Variants in LAIR1 observed in about 807,000 individuals in gnomAD.
The protein encoded by LAIR1 is leukocyte associated immunoglobulin like receptor 1, also known as leukocyte-associated immunoglobulin-like receptor 1.
Under a neutral mutation model 32.8 loss-of-function variants are expected in LAIR1, and 24 were observed. The observed-to-expected ratio is 0.73, with a 90% CI of 0.53 to 1.03. The LOEUF (loss-of-function observed/expected upper bound fraction) is 1.03. Among genes scored for constraint, LAIR1 ranks in the 50% least tolerant of loss-of-function variants. The pLI is 0.00. For synonymous variants in LAIR1, 150 were observed against 140.5 expected, an observed-to-expected ratio of 1.07 and a Z score of -0.48; for missense variants, 355 against 347.5, an observed-to-expected ratio of 1.02 and a Z score of -0.17.
chr19:54,362,886 A>T (rs550863515), intron 2 of LAIR1, among the ~76,000 whole-genome samples: 1 of 152,242 alleles, frequency 6.6e-6, no homozygotes, highest in African/African-American at 2.4e-5. Context: ...AAGCGAAAGA[A>T]CCTGGAGGAA....
chr19:54,356,130 G>A (rs911729670), intron 8 of LAIR1, 100 bp downstream of exon 8: 3 of 1,364,218 alleles, frequency 2.2e-6, no homozygotes, highest in Admixed American at 1.7e-5. Flanking sequence ...CTTCTAGAAT[G>A]TTCCCAAAGA....
Position 54,364,781 on chromosome 19 carries a change from G to A in LAIR1, c.24C>T (p.Leu8=), listed in dbSNP as rs1362199669. ...GCCTCCAGGACTCACCTAGGCCCAGGAGGGCGGTGGGGTGGGGAGACATGG... is the reference window on the plus strand; with the variant it reads ...GCCTCCAGGACTCACCTAGGCCCAGAAGGGCGGTGGGGTGGGGAGACATGG... The part of the protein sequence containing the change: MSPHPTA[L]LGLVLCLAQT... Residue 8 remains leucine (L), a synonymous_variant, in exon 1 of 10, where the codon CTC becomes CTT. Transcript: ENST00000391742. The surrounding 1 kb of genome is among the most constrained non-coding windows in gnomAD (Gnocchi z 4.8). The A allele has an allele frequency of 1.9e-6, 3 of 1,613,996 alleles. No homozygotes were observed. The highest frequency in any genetic ancestry group is 1.7e-6 in the Non-Finnish European group (2 of 1,179,892).
Position 54,355,821 on chromosome 19 carries a change from C to A in LAIR1, c.717+133G>T. 1 of 686,476 alleles carries A rather than the reference C, an allele frequency of 1.5e-6. No homozygotes were observed. The highest frequency in any genetic ancestry group is 2.6e-6 in the Non-Finnish European group (1 of 382,652). 42.5% of individuals were successfully genotyped at this position (686,476 alleles called of 1,614,324 possible). On this transcript the variant is annotated intron_variant, in intron 9 of 9. Transcript: ENST00000391742. The surrounding 1 kb of genome is among the most constrained non-coding windows in gnomAD (Gnocchi z 4.7). ...ATGCACACAGCCCTGGGCGACCTCTCGACAGCAACCTCAGGACAGGCCGTG... is the reference window on the plus strand; with the variant it reads ...ATGCACACAGCCCTGGGCGACCTCTAGACAGCAACCTCAGGACAGGCCGTG...
chr19:54,361,887 C>T (rs1167563415), intron 2 of LAIR1, among the ~76,000 whole-genome samples: 2 of 152,050 alleles, frequency 1.3e-5, no homozygotes, highest in African/African-American at 4.8e-5. Context: ...CTTGAAAAAC[C>T]CCATTTATCT....
At chr19:54,373,431 G>A (rs556704641), upstream of LAIR1, among the ~76,000 whole-genome samples, 35 of 151,998 alleles carry the variant, frequency 2.3e-4, no homozygotes, top group Admixed American at 3.9e-4. Context: ...GTGACAGAGC[G>A]AGACTCCGTC....
At chr19:54,372,205 C>T (rs2082421737), upstream of LAIR1, among the ~76,000 whole-genome samples, 1 of 151,662 alleles carries the variant, frequency 6.6e-6, no homozygotes, top group African/African-American at 2.4e-5. Context: ...AATTGCCGCA[C>T]TGTCTCCCAA....
Position 54,361,152 on chromosome 19 carries a change from C to A in LAIR1, c.128G>T (p.Ser43Ile). ...AEPGTVIPLG[S>I]HVTFVCRGPV... ...GCCCCGGCACACGAAAGTCACATGG[C>A]TCCCCAGGGGGATCACGGTGCCTGG... Residue 43 changes from serine to isoleucine, a missense_variant, in exon 3 of 10, where the codon AGC (serine) becomes ATC (isoleucine). Physicochemically the swap from Ser to Ile is moderately radical, Grantham distance 142 (BLOSUM62 -2). Coordinates refer to ENST00000391742, the MANE Select transcript of LAIR1 (RefSeq NM_002287.6). 1 of 1,614,196 alleles carries A rather than the reference C, an allele frequency of 6.2e-7. No individual in the cohort carries two copies. The highest frequency in any genetic ancestry group is 8.5e-7 in the Non-Finnish European group (1 of 1,180,032).
chr19:54,360,634 T>TC (rs1189570066), intron 3 of LAIR1: 2 of 502,342 alleles, frequency 4.0e-6, no homozygotes, highest in Non-Finnish European at 7.1e-6. Flanking sequence ...GGGAACCCAC[T>TC]CCCCACCCAG....
At chr19:54,357,228 T>C in intron 4 of LAIR1, 1 of 525,440 alleles carries the variant, frequency 1.9e-6, no homozygotes, top group Non-Finnish European at 3.4e-6. Flanking sequence ...CTGCACCGTC[T>C]GCACCTCCAG....
chr19:54,363,028 A>T (rs2082100738), intron 2 of LAIR1, among the ~76,000 whole-genome samples: 1 of 152,028 alleles, frequency 6.6e-6, no homozygotes, highest in Non-Finnish European at 1.5e-5. Context: ...GAGAAAAAAA[A>T]AAAAAGATTT....
chr19:54,371,663 A>T (rs1569213263), upstream of LAIR1, among the ~76,000 whole-genome samples: 1 of 151,568 alleles, frequency 6.6e-6, no homozygotes, highest in Non-Finnish European at 1.5e-5. Context: ...TCAAATATAG[A>T]ATGAGCACGC....
At chr19:54,360,752 C>T in intron 3 of LAIR1, 164 bp downstream of exon 3, 1 of 631,166 alleles carries the variant, frequency 1.6e-6, no homozygotes, top group African/African-American at 2.0e-5. Flanking sequence ...GGTGTGAGGG[C>T]AGAGGGGAGG....
upstream of LAIR1, among the ~76,000 whole-genome samples, chr19:54,365,597 C>A (rs1399861161): frequency 6.6e-6 from 1 of 152,124 alleles, no homozygotes; most frequent in Non-Finnish European, 1.5e-5. Flanking sequence ...TCGAGACCAG[C>A]CTGGCCAACA....
In LAIR1 at chr19:54,358,302, T is replaced by C. The variant is rs1049979374; in HGVS notation, c.416-1336A>G. Reference sequence around the variant, plus strand: ...ATACTATATATTGTAAATATATCTTTCATATAATATATAATATACACTATA... The same window carrying C: ...ATACTATATATTGTAAATATATCTTCCATATAATATATAATATACACTATA... On this transcript the variant is annotated intron_variant, in intron 4 of 9. Coordinates refer to ENST00000391742, the MANE Select transcript of LAIR1 (RefSeq NM_002287.6). The C allele has an allele frequency of 7.2e-5, 11 of 151,820 alleles. 1 individual carries two copies. Among genetic ancestry groups the C allele is most frequent in the African/African-American group, 1.3e-4 (5 of 39,876 alleles). The allele number at this position is 151,820 out of a possible 1,614,324, so 9.4% of individuals were successfully genotyped here.
chr19:54,366,018 G>T (rs62132213), upstream of LAIR1, among the ~76,000 whole-genome samples: 14 of 152,324 alleles, frequency 9.2e-5, no homozygotes, highest in Admixed American at 4.6e-4. Context: ...GCGACGCAGA[G>T]GCAGAGACCA....
At chr19:54,375,789 C>T in the LAIR1 span, among the ~76,000 whole-genome samples, 19 of 151,814 alleles carry the variant, frequency 1.3e-4, no homozygotes, top group Non-Finnish European at 2.4e-4. Context: ...GTGTCAGAGA[C>T]GAGCCACACA....
At position 54,355,892 on chromosome 19, in the gene LAIR1, G is replaced by T; in HGVS notation, c.717+62C>A. 1.7e-6 allele frequency: 2 copies of T among 1,153,130 alleles called. No homozygotes were observed. Among genetic ancestry groups the T allele is most frequent in the Non-Finnish European group, 2.6e-6 (2 of 759,830 alleles). 71.4% of individuals were successfully genotyped at this position (1,153,130 alleles called of 1,614,324 possible). ...GCCACTCCTGAATTCCTAACCCAAG[G>T]AACTGAGATTTTTTTAAGCTGCTAA... On this transcript the variant is annotated intron_variant, in intron 9 of 9. Transcript: ENST00000391742. The surrounding 1 kb of genome is among the most constrained non-coding windows in gnomAD (Gnocchi z 4.7).
chr19:54,356,798 G>T, intron 5 of LAIR1, 130 bp downstream of exon 5: 1 of 1,280,644 alleles, frequency 7.8e-7, no homozygotes, highest in South Asian at 1.3e-5. Flanking sequence ...CCTGAGTGCT[G>T]GAGTCCTCTG....
At position 54,355,319 on chromosome 19, in the gene LAIR1, G is replaced by T. The variant is rs765167924; in HGVS notation, c.813C>A (p.Ser271=). ...TGATGGACTCGGCCATGGGCTTTGT[G>T]GACTGTGGGGACACAGCCCGGGCTG... ...QRTARAVSPQ[S]TKPMAESITY... is the part of the protein sequence containing the mutation. The change falls in exon 10 of 10, where the codon TCC becomes TCA. Residue 271 remains serine (S), a synonymous_variant. Transcript: ENST00000391742. The surrounding 1 kb of genome is among the most constrained non-coding windows in gnomAD (Gnocchi z 4.7). 6.2e-7 allele frequency: 1 copy of T among 1,613,248 alleles called. No homozygotes were observed. Among genetic ancestry groups the T allele is most frequent in the African/African-American group, 1.3e-5 (1 of 74,870 alleles).
Sources: gnomAD v4.1 joint callset for allele counts (sites outside exome capture counted in the v4.1 genomes callset) on GRCh38, gnomAD v4.1.1 for gene constraint, Gnocchi (gnomAD v3.1) non-coding constraint, MANE v1.5 for transcripts, NCBI Gene and HGNC (gene_info 2026-07-23, HGNC 2026-07-21) for gene names.